DIAPH2: variants seen among roughly 807,000 people sequenced by gnomAD.
DIAPH2 encodes protein diaphanous homolog 2.
Under a neutral mutation model 92.7 loss-of-function variants are expected in DIAPH2, and 35 were observed. The observed-to-expected ratio is 0.38, with a 90% CI of 0.29 to 0.50. DIAPH2 has a LOEUF of 0.50. DIAPH2 is among the 20% of genes least tolerant of loss of function. DIAPH2 has a pLI of 0.94. For synonymous variants in DIAPH2, 301 were observed against 280.4 expected (o/e 1.07, Z -0.73); for missense variants, 701 against 819.5 (o/e 0.86, Z 1.77).
intron 4 of DIAPH2, among the ~76,000 whole-genome samples, chrX:96,822,407 G>T (rs2064784409): frequency 9.0e-6 from 1 of 111,724 alleles, no homozygotes; most frequent in Admixed American, 9.6e-5. Flanking sequence ...TTGTGCCCTG[G>T]AATTGTTTGA....
At chrX:97,583,988 C>T (rs904092617) in intron 26 of DIAPH2, among the ~76,000 whole-genome samples, 2 of 112,706 alleles carry the variant, frequency 1.8e-5, no homozygotes, top group Non-Finnish European at 3.8e-5. Context: ...GCTCCCTGAC[C>T]CCTTGGGCTT....
intron 5 of DIAPH2, among the ~76,000 whole-genome samples, 189 bp from the exon 6 acceptor site, chrX:96,912,139 A>G (rs1023572203): frequency 9.0e-6 from 1 of 111,584 alleles, no homozygotes; most frequent in African/African-American, 3.3e-5. Context: ...GGAGAAGTCT[A>G]GGATTGAGGC....
At chrX:97,144,213 A>T (rs1268080743) in intron 22 of DIAPH2, among the ~76,000 whole-genome samples, 1 of 111,017 alleles carries the variant, frequency 9.0e-6, no homozygotes, top group Admixed American at 9.6e-5. Context: ...AGCCAGTTTC[A>T]TGCTACTTGC....
chrX:97,404,758 C>T (rs2069792323), intron 25 of DIAPH2, among the ~76,000 whole-genome samples: 1 of 111,876 alleles, frequency 8.9e-6, no homozygotes, highest in South Asian at 3.7e-4. Flanking sequence ...GTCATGCTGA[C>T]GTTCTCTTAC....
At chrX:97,203,872 A>T (rs931705052) in intron 22 of DIAPH2, among the ~76,000 whole-genome samples, 2 of 112,042 alleles carry the variant, frequency 1.8e-5, no homozygotes, top group Non-Finnish European at 3.8e-5. Context: ...CAACAAAAAA[A>T]AGGAAACTTC....
chrX:97,209,734 CACTT>C (rs2147503724), intron 22 of DIAPH2, among the ~76,000 whole-genome samples: 1 of 110,816 alleles, frequency 9.0e-6, no homozygotes, highest in African/African-American at 3.3e-5. Context: ...TACTTATTCT[CACTT>C]AATTTTTAAG....
intron 21 of DIAPH2, 95 bp from the exon 22 acceptor site, chrX:97,141,570 A>T: frequency 1.0e-6 from 1 of 956,499 alleles, no homozygotes; most frequent in South Asian, 2.7e-5. Context: ...TTTTAAAAAC[A>T]TTTTAAATGG....
chrX:97,235,210 C>G (rs1180005994), intron 22 of DIAPH2, among the ~76,000 whole-genome samples: 1 of 111,963 alleles, frequency 8.9e-6, no homozygotes, highest in African/African-American at 3.2e-5. Context: ...CCCTTTTTGC[C>G]AGGGTGGAAG....
intron 26 of DIAPH2, chrX:97,555,474 G>C (rs1281032045): frequency 4.1e-6 from 3 of 738,847 alleles, no homozygotes; most frequent in Non-Finnish European, 3.2e-6. Context: ...GCAAAGGTGA[G>C]AGTTGAAATA....
chrX:96,830,762 A>G (rs1461286696), intron 4 of DIAPH2, among the ~76,000 whole-genome samples: 5 of 110,157 alleles, frequency 4.5e-5, no homozygotes, highest in African/African-American at 1.7e-4. Context: ...TTTGAAAAAA[A>G]AAGTAACAAA....
At chrX:97,276,147 C>A (rs1245232501) in intron 23 of DIAPH2, among the ~76,000 whole-genome samples, 1 of 110,385 alleles carries the variant, frequency 9.1e-6, no homozygotes, top group African/African-American at 3.3e-5. Context: ...CGTGGCGGCG[C>A]GTGCCTGCAG....
At chrX:97,550,653 A>C (rs2071213160) in intron 26 of DIAPH2, among the ~76,000 whole-genome samples, 1 of 112,171 alleles carries the variant, frequency 8.9e-6, no homozygotes, top group Non-Finnish European at 1.9e-5. Context: ...AGGAGTTAAC[A>C]AGGGATATTA....
chrX:96,886,367 A>T (rs2065262009), intron 5 of DIAPH2, among the ~76,000 whole-genome samples: 1 of 110,018 alleles, frequency 9.1e-6, no homozygotes, highest in Non-Finnish European at 1.9e-5. Context: ...ATTATTTGTC[A>T]AATTGAATCA....
At chrX:97,590,713 G>A (rs1304176047) in intron 26 of DIAPH2, among the ~76,000 whole-genome samples, 3 of 111,321 alleles carry the variant, frequency 2.7e-5, no homozygotes, top group Non-Finnish European at 5.7e-5. Context: ...AAACACTCCT[G>A]GCCCAGGTTA....
intron 22 of DIAPH2, among the ~76,000 whole-genome samples, chrX:97,193,012 C>CTTTTTTTTT (rs373054114): frequency 4.6e-5 from 4 of 86,590 alleles, no homozygotes; most frequent in African/African-American, 1.5e-4. Context: ...TTTTTCTTTT[C>CTTTTTTTTT]TTTTTTTTTT....
rs1168027826 is a variant in DIAPH2, at chrX:97,601,092, TAAC to T, written c.*1784_*1786del. On this transcript the variant is annotated 3_prime_UTR_variant, in exon 27 of 27. Coordinates refer to ENST00000324765, the MANE Select transcript of DIAPH2 (RefSeq NM_006729.5). ...GGGACATAGCAGTAACACTGTTTTT[TAAC>T]AACAACAAAAGTTTAGGTTCTAATT... 3 of 112,635 alleles carry T rather than the reference TAAC, an allele frequency of 2.7e-5. No homozygotes were observed. The highest frequency in any genetic ancestry group is 9.4e-5 in the Admixed American group (1 of 10,617). 9.3% of individuals were successfully genotyped at this position (112,635 alleles called of 1,213,427 possible).
intron 23 of DIAPH2, among the ~76,000 whole-genome samples, chrX:97,342,271 C>G (rs966210146): frequency 8.9e-6 from 1 of 112,007 alleles, no homozygotes; most frequent in Admixed American, 9.5e-5. Context: ...TTTAAGTACT[C>G]AAGTCAGCCC....
At chrX:96,982,864 G>A (rs894914841) in intron 17 of DIAPH2, among the ~76,000 whole-genome samples, 32 of 111,403 alleles carry the variant, frequency 2.9e-4, no homozygotes, top group South Asian at 1.1e-3. Context: ...ATCCATTTCC[G>A]GGCATAAACT....
chrX:97,417,630 G>A (rs1009647746), intron 25 of DIAPH2, among the ~76,000 whole-genome samples: 5 of 111,275 alleles, frequency 4.5e-5, no homozygotes, highest in Non-Finnish European at 7.5e-5. Flanking sequence ...AGCAGAGATC[G>A]TGCCACTGCA....
Sources: gnomAD v4.1 joint callset for allele counts (sites outside exome capture counted in the v4.1 genomes callset) on GRCh38, gnomAD v4.1.1 for gene constraint, MANE v1.5 for transcripts, NCBI Gene and HGNC (gene_info 2026-07-23, HGNC 2026-07-21) for gene names.